The following GALNT18 variants were observed in gnomAD, a reference collection of about 807,000 sequenced individuals.
The protein encoded by GALNT18 is GalNAc-transferase 18.
Under a neutral mutation model 69.5 loss-of-function variants are expected in GALNT18, and 44 were observed. The observed-to-expected ratio is 0.63, with a 90% CI of 0.50 to 0.81. The LOEUF (loss-of-function observed/expected upper bound fraction) is 0.81, where lower values mean the gene tolerates loss of function less well. GALNT18 is among the 40% of genes least tolerant of loss of function. The probability of loss-of-function intolerance (pLI) is 0.00; values close to 1 mark genes in which losing one functional copy is unlikely to be tolerated. For synonymous variants in GALNT18, 364 were observed against 318.2 expected (o/e 1.14, Z -1.53); for missense variants, 715 against 810.0 (o/e 0.88, Z 1.42).
At chr11:11,344,917 C>T (rs1850276533) in intron 6 of GALNT18, among the ~76,000 whole-genome samples, 1 of 152,204 alleles carries the variant, frequency 6.6e-6, no homozygotes, top group Admixed American at 6.5e-5. Flanking sequence ...AGGCTGTGGG[C>T]TCAGGGAGCC....
rs200943344 is a variant in GALNT18 at position 11,341,964 on chromosome 11, TAA to T, written c.1093-962_1093-961del. Among the ~76,000 whole-genome samples the T allele has an allele frequency of 7.4e-5, 10 of 135,240 alleles. No individual in the cohort carries two copies. Among genetic ancestry groups the T allele is most frequent in the African/African-American group, 2.8e-4 (10 of 35,508 alleles). 88.7% of individuals were successfully genotyped at this position (135,240 alleles called of 152,430 possible). On this transcript the variant is annotated intron_variant, in intron 6 of 10. Transcript: ENST00000227756. This position sits in a 1 kb window ranked among gnomAD's most constrained non-coding sequence, Gnocchi z 6.3. ...TAGTGAGATCCTGTCTCTAAAACAT[TAA>T]AATTTTTTTTTTTTTAAAAAGACCT...
intron 9 of GALNT18, among the ~76,000 whole-genome samples, chr11:11,324,139 C>G (rs1849879818): frequency 6.6e-6 from 1 of 152,206 alleles, no homozygotes; most frequent in South Asian, 2.1e-4. Context: ...TAGGCCAGCA[C>G]TCTGATCTTG....
chr11:11,457,788 C>G (rs1447418451), intron 1 of GALNT18, among the ~76,000 whole-genome samples: 1 of 152,008 alleles, frequency 6.6e-6, no homozygotes, highest in Non-Finnish European at 1.5e-5. Context: ...CTCTCTCAGG[C>G]AGAGGGGATC....
At position 11,470,412 on chromosome 11, in the gene GALNT18, C is replaced by T. The variant is rs1012544229; in HGVS notation, c.236-21476G>A. Among the ~76,000 whole-genome samples the T allele has an allele frequency of 1.3e-5, 2 of 152,086 alleles. No homozygotes were observed. The highest frequency in any genetic ancestry group is 2.1e-4 in the South Asian group (1 of 4,806). ...TCCATCTTAGAAGACAAGAAGAAGC[C>T]CCCTATCCTTCTCCATTTATCTCAC... On this transcript the variant is annotated intron_variant, in intron 1 of 10. Coordinates refer to ENST00000227756, the MANE Select transcript of GALNT18 (RefSeq NM_198516.3). The surrounding 1 kb of genome is among the most constrained non-coding windows in gnomAD (Gnocchi z 4.8).
intron 9 of GALNT18, among the ~76,000 whole-genome samples, chr11:11,312,902 A>G (rs146962082): frequency 4.2e-4 from 64 of 152,328 alleles, no homozygotes; most frequent in African/African-American, 1.4e-3. Context: ...AGAATAAAAC[A>G]AAGGCCTCTC....
intron 9 of GALNT18, among the ~76,000 whole-genome samples, chr11:11,294,409 T>G (rs2133007525): frequency 6.6e-6 from 1 of 152,216 alleles, no homozygotes; most frequent in Middle Eastern, 3.4e-3. Flanking sequence ...GCTGTTTTGT[T>G]TGTATAATCA....
rs567543248 is a variant in GALNT18, at chr11:11,581,645, C to A, written c.235+39714G>T. On this transcript the variant is annotated intron_variant, in intron 1 of 10. Coordinates refer to ENST00000227756, the MANE Select transcript of GALNT18 (RefSeq NM_198516.3). ...CAGCTTGTTATTAATTCAACAGGGGCTGCCGAGTGGGCACTTTATCCCGCC... is the reference window on the plus strand; with the variant it reads ...CAGCTTGTTATTAATTCAACAGGGGATGCCGAGTGGGCACTTTATCCCGCC... Among the ~76,000 whole-genome samples the A allele has an allele frequency of 2.2e-4, 34 of 152,158 alleles. No homozygotes were observed. In the South Asian group the frequency reaches 6.9e-3, roughly 31 times the overall value.
chr11:11,333,019 G>A (rs1466456898), intron 7 of GALNT18, among the ~76,000 whole-genome samples, 188 bp from the exon 8 acceptor site: 1 of 149,768 alleles, frequency 6.7e-6, no homozygotes, highest in Non-Finnish European at 1.5e-5. Context: ...TTTAGACTAC[G>A]AAACACGAGG....
Position 11,448,825 on chromosome 11 carries a change from T to A in GALNT18, c.347A>T (p.Gln116Leu). Residue 116 changes from glutamine (Q) to leucine (L), a missense_variant, in exon 2 of 11, where the codon CAA (glutamine) becomes CTA (leucine). Coordinates refer to ENST00000227756, the MANE Select transcript of GALNT18 (RefSeq NM_198516.3). ...SPEGRRVALK[Q>L]FQYYGYNAYL... ...GGCGTTGTAGCCGTAGTACTGGAAT[T>A]GCTTCAGGGCCACGCGCCGGCCTTC... 6.2e-7 allele frequency: 1 copy of A among 1,613,520 alleles called. No individual in the cohort carries two copies. The highest frequency in any genetic ancestry group is 1.3e-5 in the African/African-American group (1 of 75,058).
At chr11:11,428,589 T>C (rs1338350236) in intron 3 of GALNT18, among the ~76,000 whole-genome samples, 2 of 152,210 alleles carry the variant, frequency 1.3e-5, no homozygotes, top group African/African-American at 4.8e-5. Context: ...CTTGCTTCTG[T>C]GCCCTGGATC....
chr11:11,443,851 C>A (rs1213117838), intron 2 of GALNT18, among the ~76,000 whole-genome samples: 2 of 152,216 alleles, frequency 1.3e-5, no homozygotes, highest in Admixed American at 1.3e-4. Flanking sequence ...TGCTACAAAA[C>A]TGCAAGGAGG....
Position 11,601,646 on chromosome 11 carries a change from C to T in GALNT18, c.235+19713G>A, listed in dbSNP as rs1231615260. On this transcript the variant is annotated intron_variant, in intron 1 of 10. Coordinates refer to ENST00000227756, the MANE Select transcript of GALNT18 (RefSeq NM_198516.3). The surrounding 1 kb of genome is among the most constrained non-coding windows in gnomAD (Gnocchi z 4.0). ...TGGGGGTTCTTTTGGCAGGGATTTT[C>T]TTTGAGGCCAGTTTTTGAGGCTTTC... Among the ~76,000 whole-genome samples, 3 of 152,092 alleles carry T rather than the reference C, an allele frequency of 2.0e-5. No homozygotes were observed. Among genetic ancestry groups the T allele is most frequent in the Non-Finnish European group, 4.4e-5 (3 of 67,998 alleles).
At chr11:11,609,300 A>C (rs954616029) in intron 1 of GALNT18, among the ~76,000 whole-genome samples, 1 of 148,756 alleles carries the variant, frequency 6.7e-6, no homozygotes, top group Non-Finnish European at 1.5e-5. Flanking sequence ...TCCCACCATC[A>C]CCCTGCTCTA....
intron 6 of GALNT18, chr11:11,352,462 A>G (rs747683935): frequency 4.3e-6 from 7 of 1,614,168 alleles, no homozygotes; most frequent in South Asian, 3.3e-5. Flanking sequence ...GCCAGCATAC[A>G]ACCCAATCTC....
chr11:11,570,200 G>A (rs538659892), intron 1 of GALNT18: 4 of 152,580 alleles, frequency 2.6e-5, no homozygotes, highest in Admixed American at 2.0e-4. Context: ...GTGCTAAAGT[G>A]AGTCACCATG....
Position 11,505,315 on chromosome 11 carries a change from A to T in GALNT18, c.236-56379T>A, listed in dbSNP as rs187553546. 1.6e-4 allele frequency among the ~76,000 whole-genome samples: 24 copies of T among 152,238 alleles called. No homozygotes were observed. The highest frequency in any genetic ancestry group is 2.6e-4 in the Non-Finnish European group (18 of 67,988). On this transcript the variant is annotated intron_variant, in intron 1 of 10. Coordinates refer to ENST00000227756, the MANE Select transcript of GALNT18 (RefSeq NM_198516.3). This position sits in a 1 kb window ranked among gnomAD's most constrained non-coding sequence, Gnocchi z 4.6. ...ATCAACCTTAAGTAAAAACAAGAAGACAGGAAAGGACAGACCACACTAAGA... is the reference window on the plus strand; with the variant it reads ...ATCAACCTTAAGTAAAAACAAGAAGTCAGGAAAGGACAGACCACACTAAGA...
At chr11:11,349,546 TGA>T (rs1850361707) in intron 6 of GALNT18, among the ~76,000 whole-genome samples, 1 of 152,184 alleles carries the variant, frequency 6.6e-6, no homozygotes, top group South Asian at 2.1e-4. Context: ...TGATTACTAG[TGA>T]GAGAGAGGTT....
At chr11:11,513,839 G>T (rs1308394352) in intron 1 of GALNT18, among the ~76,000 whole-genome samples, 1 of 152,098 alleles carries the variant, frequency 6.6e-6, no homozygotes, top group Non-Finnish European at 1.5e-5. Flanking sequence ...TTCTTTTGTT[G>T]TAAGTGGGAC....
Position 11,523,738 on chromosome 11 carries a change from G to A in GALNT18, c.236-74802C>T, listed in dbSNP as rs1262407766. 2.0e-5 allele frequency among the ~76,000 whole-genome samples: 3 copies of A among 150,848 alleles called. No individual in the cohort carries two copies. Among genetic ancestry groups the A allele is most frequent in the Admixed American group, 6.6e-5 (1 of 15,128 alleles). On this transcript the variant is annotated intron_variant, in intron 1 of 10. Transcript: ENST00000227756. This position sits in a 1 kb window ranked among gnomAD's most constrained non-coding sequence, Gnocchi z 4.3. ...CATCTCAAAAAAAAAAAAAAATATC[G>A]TACACCCTGCCTCCCTGGGAAAGGA...
Sources: gnomAD v4.1 joint callset for allele counts (sites outside exome capture counted in the v4.1 genomes callset) on GRCh38, gnomAD v4.1.1 for gene constraint, Gnocchi (gnomAD v3.1) non-coding constraint, MANE v1.5 for transcripts, NCBI Gene and HGNC (gene_info 2026-07-23, HGNC 2026-07-21) for gene names.